ITPR1: variants seen among roughly 807,000 people sequenced by gnomAD.
ITPR1 encodes the protein inositol 1,4,5-trisphosphate receptor type 1.
ITPR1 carries 96 observed loss-of-function variants against 318.4 expected under a neutral mutation model. The ratio of observed to expected loss-of-function variants is 0.30; its 90% confidence interval spans 0.26 to 0.36. The LOEUF (loss-of-function observed/expected upper bound fraction) is 0.36. ITPR1 is among the 10% of genes least tolerant of loss of function. The pLI, the probability that ITPR1 is intolerant of heterozygous loss-of-function variation, is 1.00. For synonymous variants in ITPR1, 1,312 were observed against 1,289.9 expected (o/e 1.02, Z -0.37); for missense variants, 2,440 against 3,460.2 (o/e 0.71, Z 7.40).
chr3:4,788,015 C>A lies in ITPR1; in HGVS notation c.6684C>A (p.Thr2228=). The change falls in exon 52 of 62, where the codon ACC becomes ACA. Residue 2228 remains threonine, a synonymous_variant. Transcript: ENST00000649015. ...TGCCCAGCATATGTGAATTCCTAAC[C>A]AAGGAGTCAAAACTACGAATTTACT... ...FPVPSICEFL[T]KESKLRIYYT... is the part of the protein sequence containing the mutation. The A allele has an allele frequency of 6.2e-7, 1 of 1,612,188 alleles. No individual in the cohort carries two copies. The highest frequency in any genetic ancestry group is 8.5e-7 in the Non-Finnish European group (1 of 1,178,884).
Position 4,732,375 on chromosome 3 carries a change from A to G in ITPR1, c.5221-713A>G, listed in dbSNP as rs150994107. ...CATTCATAACTCTGCTTCAACAGCA[A>G]CTGTCAGCTCATGCCCACTCTTGTC... On this transcript the variant is annotated intron_variant, in intron 42 of 61. Transcript: ENST00000649015. Among the ~76,000 whole-genome samples, 1,094 of 152,358 alleles carry G rather than the reference A, an allele frequency of 7.2e-3. 7 individuals are homozygous for G. The highest frequency in any genetic ancestry group is 0.024 in the African/African-American group (987 of 41,588).
chr3:4,792,431 T>C (rs2047625273), intron 52 of ITPR1, among the ~76,000 whole-genome samples: 1 of 152,244 alleles, frequency 6.6e-6, no homozygotes, highest in South Asian at 2.1e-4. Context: ...GTTTATTTCC[T>C]CACAGTTTCT....
At chr3:4,629,709 C>G (rs902985) in intron 5 of ITPR1, among the ~76,000 whole-genome samples, 26,011 of 152,162 alleles carry the variant, frequency 0.17, 4,602 homozygotes, top group African/African-American at 0.45. Flanking sequence ...GTGATAAGTA[C>G]TATATTACAG....
chr3:4,524,306 T>TTTG (rs2082800902), intron 4 of ITPR1, among the ~76,000 whole-genome samples: 1 of 148,866 alleles, frequency 6.7e-6, no homozygotes, highest in Non-Finnish European at 1.5e-5. Flanking sequence ...TTGACGTTTT[T>TTTG]TTTTTTTTTT....
At chr3:4,713,979 C>T (rs1413581576) in intron 39 of ITPR1, among the ~76,000 whole-genome samples, 1 of 152,204 alleles carries the variant, frequency 6.6e-6, no homozygotes, top group African/African-American at 2.4e-5. Context: ...CAATGCTTGA[C>T]TGCCAGGAAA....
At chr3:4,724,742 C>T (rs1281651866) in intron 40 of ITPR1, among the ~76,000 whole-genome samples, 3 of 152,152 alleles carry the variant, frequency 2.0e-5, no homozygotes, top group African/African-American at 7.2e-5. Flanking sequence ...TTGTGTAGCC[C>T]CTGCATGCCC....
intron 13 of ITPR1, among the ~76,000 whole-genome samples, chr3:4,659,688 A>G (rs1484832395): frequency 6.6e-6 from 1 of 152,042 alleles, no homozygotes; most frequent in African/African-American, 2.4e-5. Context: ...CCTGTCTCCA[A>G]AGGAAAAAAA....
At chr3:4,755,653 C>A (rs759589908) in intron 44 of ITPR1, among the ~76,000 whole-genome samples, 1 of 152,160 alleles carries the variant, frequency 6.6e-6, no homozygotes, top group South Asian at 2.1e-4. Flanking sequence ...GAGCTTAGGC[C>A]GTTCCCCAGA....
rs963882668 is a variant in ITPR1 at position 4,665,369 on chromosome 3, T to G, written c.1713+73T>G. On this transcript the variant is annotated intron_variant, in intron 17 of 61. Transcript: ENST00000649015. ...AGTTTGTGAACTTTCCTCCTGAGTT[T>G]TTAGTGTCACATGTCTATTTATAGA... 5 of 1,399,110 alleles carry G rather than the reference T, an allele frequency of 3.6e-6. No individual in the cohort carries two copies. In the African/African-American group the frequency reaches 7.1e-5, roughly 20 times the overall value. The allele number at this position is 1,399,110 out of a possible 1,614,324, so 86.7% of individuals were successfully genotyped here.
chr3:4,712,086 A>G (rs1044228934), intron 39 of ITPR1, among the ~76,000 whole-genome samples: 4 of 152,262 alleles, frequency 2.6e-5, no homozygotes, highest in Admixed American at 6.5e-5. Flanking sequence ...GTCGTCTCTT[A>G]TAGGCTGATT....
chr3:4,653,177 A>AC (rs2093635171), intron 11 of ITPR1, among the ~76,000 whole-genome samples: 1 of 151,926 alleles, frequency 6.6e-6, no homozygotes. Context: ...GCATCAAAAG[A>AC]CCCCCACTGT....
intron 10 of ITPR1, 114 bp downstream of exon 10, chr3:4,645,842 A>G (rs756515971): frequency 2.7e-5 from 23 of 852,040 alleles, no homozygotes; most frequent in East Asian, 5.3e-5. Context: ...ATATGTGTCT[A>G]TACACCCACA....
intron 4 of ITPR1, among the ~76,000 whole-genome samples, chr3:4,552,663 A>C (rs1339098269): frequency 6.6e-6 from 1 of 152,172 alleles, no homozygotes; most frequent in Non-Finnish European, 1.5e-5. Flanking sequence ...TGGAAGCTTC[A>C]TTATGTAAGC....
intron 4 of ITPR1, among the ~76,000 whole-genome samples, chr3:4,533,987 C>A (rs558112938): frequency 6.6e-6 from 1 of 152,300 alleles, no homozygotes; most frequent in South Asian, 2.1e-4. Flanking sequence ...CAAAAGCTGC[C>A]CTTCCCTGCC....
In ITPR1 at chr3:4,669,711, C is replaced by T. The variant is rs372037170; in HGVS notation, c.1944C>T (p.Thr648=). Residue 648 remains threonine (T), a synonymous_variant, in exon 19 of 62, where the codon ACC becomes ACT. Coordinates refer to ENST00000649015, the MANE Select transcript of ITPR1 (RefSeq NM_001378452.1). The part of the protein sequence containing the change: ...CVSMNKSIPV[T]QELICKAVLN... Reference sequence around the variant, plus strand: ...CCATGAACAAATCAATTCCAGTGACCCAGGAACTGATATGTAAAGCTGTGC... The same window carrying T: ...CCATGAACAAATCAATTCCAGTGACTCAGGAACTGATATGTAAAGCTGTGC... 9 of 1,612,898 alleles carry T rather than the reference C, an allele frequency of 5.6e-6. No individual in the cohort carries two copies. Among genetic ancestry groups the T allele is most frequent in the African/African-American group, 2.7e-5 (2 of 74,874 alleles).
At chr3:4,668,388 G>A (rs1440438621) in intron 18 of ITPR1, among the ~76,000 whole-genome samples, 2 of 151,660 alleles carry the variant, frequency 1.3e-5, no homozygotes, top group African/African-American at 4.8e-5. Flanking sequence ...TCTGTGCTTG[G>A]CTTATTTCAC....
At chr3:4,626,744 GTGTCCCAGAAGGTCATC>G (rs944675186) in intron 4 of ITPR1, among the ~76,000 whole-genome samples, 1 of 152,114 alleles carries the variant, frequency 6.6e-6, no homozygotes, top group Admixed American at 6.5e-5. Flanking sequence ...TTTTCTTTCT[GTGTCCCAGAAGGTCATC>G]TTGCACACAG....
At chr3:4,718,816 T>C (rs941976296) in intron 40 of ITPR1, among the ~76,000 whole-genome samples, 2 of 152,226 alleles carry the variant, frequency 1.3e-5, no homozygotes, top group African/African-American at 4.8e-5. Flanking sequence ...CTGTTTAGCA[T>C]TCCTTCTTCC....
chr3:4,553,603 T>TTC (rs1029668063), intron 4 of ITPR1, among the ~76,000 whole-genome samples: 2 of 146,304 alleles, frequency 1.4e-5, no homozygotes, highest in East Asian at 2.0e-4. Flanking sequence ...GATAATTTCT[T>TTC]TTTTTTTTTT....
Sources: gnomAD v4.1 joint callset for allele counts (sites outside exome capture counted in the v4.1 genomes callset) on GRCh38, gnomAD v4.1.1 for gene constraint, MANE v1.5 for transcripts, NCBI Gene and HGNC (gene_info 2026-07-23, HGNC 2026-07-21) for gene names.